Variants in MYOM1 observed in about 807,000 individuals in gnomAD.
MYOM1 encodes the protein myomesin 1.
MYOM1 carries 164 observed loss-of-function variants against 205.3 expected under a neutral mutation model. The observed-to-expected ratio is 0.80, with a 90% CI of 0.70 to 0.91. The LOEUF (loss-of-function observed/expected upper bound fraction) is 0.91. MYOM1 is among the 40% of genes least tolerant of loss of function. The pLI is 0.00. For missense variants in MYOM1, 2,011 were observed against 2,127.3 expected (o/e 0.95, Z 1.08); for synonymous variants, 772 against 789.4 (o/e 0.98, Z 0.37).
At chr18:3,192,561 T>C (rs536303322) in intron 3 of MYOM1, among the ~76,000 whole-genome samples, 23 of 152,284 alleles carry the variant, frequency 1.5e-4, no homozygotes, top group African/African-American at 5.3e-4. Flanking sequence ...TCCAAGAGGA[T>C]CTACTTTTCC....
At chr18:3,116,243 G>A in intron 21 of MYOM1, 88 bp downstream of exon 21, 1 of 1,367,140 alleles carries the variant, frequency 7.3e-7, no homozygotes, top group Non-Finnish European at 1.0e-6. Flanking sequence ...GATCAAAGCG[G>A]AGATATTCTG....
At chr18:3,078,232 C>T (rs890695919) in intron 34 of MYOM1, among the ~76,000 whole-genome samples, 2 of 151,616 alleles carry the variant, frequency 1.3e-5, no homozygotes, top group Non-Finnish European at 2.9e-5. Flanking sequence ...AGTAGAGACG[C>T]GGTTTCACCA....
chr18:3,136,696 T>G (rs1045819858), intron 14 of MYOM1, among the ~76,000 whole-genome samples: 2 of 152,208 alleles, frequency 1.3e-5, no homozygotes, highest in Non-Finnish European at 2.9e-5. Context: ...CCCACAGGCA[T>G]GAGCCACTGC....
chr18:3,210,040 C>T (rs2081172253), intron 2 of MYOM1, among the ~76,000 whole-genome samples: 1 of 152,214 alleles, frequency 6.6e-6, no homozygotes, highest in African/African-American at 2.4e-5. Flanking sequence ...CAACATCTTA[C>T]ATGATTATCT....
the MYOM1 span, among the ~76,000 whole-genome samples, chr18:3,244,874 G>A: frequency 1.3e-5 from 2 of 151,616 alleles, no homozygotes; most frequent in African/African-American, 4.9e-5. Context: ...ACTCCAGCCT[G>A]GGCGACAGAG....
chr18:3,068,565 G>C (rs1378760132), intron 37 of MYOM1, among the ~76,000 whole-genome samples: 4 of 151,730 alleles, frequency 2.6e-5, no homozygotes, highest in African/African-American at 4.8e-5. Context: ...CTAATCTCTG[G>C]CAACCACTCA....
chr18:3,239,706 A>C, the MYOM1 span, among the ~76,000 whole-genome samples: 1 of 142,420 alleles, frequency 7.0e-6, no homozygotes, highest in African/African-American at 2.7e-5. Context: ...GCAGTGAGCC[A>C]TGATGGTACC....
At chr18:3,153,349 C>T (rs1331711317) in intron 11 of MYOM1, among the ~76,000 whole-genome samples, 7 of 152,144 alleles carry the variant, frequency 4.6e-5, no homozygotes, top group African/African-American at 1.4e-4. Flanking sequence ...GCCTCATTTC[C>T]TACTTGAAAT....
chr18:3,193,903 G>T lies in MYOM1; in HGVS notation c.346C>A (p.Pro116Thr). 6.2e-7 allele frequency: 1 copy of T among 1,613,800 alleles called. No homozygotes were observed. Among genetic ancestry groups the T allele is most frequent in the East Asian group, 2.2e-5 (1 of 44,862 alleles). Residue 116 changes from proline to threonine, a missense_variant, in exon 3 of 38, where the codon CCA becomes ACA. Pro to Thr is a conservative substitution (Grantham distance 38). Coordinates refer to ENST00000356443, the MANE Select transcript of MYOM1 (RefSeq NM_003803.4). Reference protein sequence around the residue: ...DDYSSKLSPKPKRAKHSLLSG... With the variant: ...DDYSSKLSPKTKRAKHSLLSG... ...AGTAGGCTGTGCTTGGCTCTCTTTG[G>T]TTTGGGGCTCAACTTGGATGAATAA...
At chr18:3,227,677 G>T in the MYOM1 span, among the ~76,000 whole-genome samples, 1 of 152,054 alleles carries the variant, frequency 6.6e-6, no homozygotes, top group African/African-American at 2.4e-5. Context: ...AAATTAGCTG[G>T]GTATGGTGGC....
At chr18:3,180,611 C>A (rs181133838) in intron 5 of MYOM1, among the ~76,000 whole-genome samples, 19 of 152,284 alleles carry the variant, frequency 1.2e-4, no homozygotes, top group African/African-American at 3.4e-4. Context: ...GGAGGTTAAT[C>A]CACACCCTGG....
At chr18:3,102,678 C>A in intron 22 of MYOM1, 48 bp from the exon 23 acceptor site, 1 of 1,573,504 alleles carries the variant, frequency 6.4e-7, no homozygotes. Flanking sequence ...GGAAAGCAAC[C>A]AAGTAAGAAT....
chr18:3,238,456 T>C, the MYOM1 span, among the ~76,000 whole-genome samples: 3 of 150,686 alleles, frequency 2.0e-5, no homozygotes, highest in Non-Finnish European at 4.4e-5. Flanking sequence ...TTTCATGTTA[T>C]GTACATTTTA....
the MYOM1 span, among the ~76,000 whole-genome samples, chr18:3,237,688 C>T: frequency 6.6e-6 from 1 of 151,396 alleles, no homozygotes. Context: ...GTGAAATAAG[C>T]CAGTCACAAA....
intron 3 of MYOM1, among the ~76,000 whole-genome samples, chr18:3,191,588 C>T (rs761472965): frequency 7.2e-5 from 11 of 152,148 alleles, no homozygotes; most frequent in African/African-American, 2.2e-4. Context: ...GCCAAAACCA[C>T]TGTGAAATGT....
At chr18:3,086,877 T>A (rs1015244966) in intron 29 of MYOM1, among the ~76,000 whole-genome samples, 1 of 152,148 alleles carries the variant, frequency 6.6e-6, no homozygotes, top group African/African-American at 2.4e-5. Context: ...AAGACCCCAC[T>A]GAATAATGGG....
At chr18:3,139,131 T>C (rs1051408291) in intron 14 of MYOM1, among the ~76,000 whole-genome samples, 1 of 152,098 alleles carries the variant, frequency 6.6e-6, no homozygotes, top group African/African-American at 2.4e-5. Flanking sequence ...CACTTAAAAA[T>C]ATACAGGCAT....
chr18:3,072,772 C>A (rs536547945), intron 36 of MYOM1, among the ~76,000 whole-genome samples: 1 of 152,050 alleles, frequency 6.6e-6, no homozygotes, highest in African/African-American at 2.4e-5. Context: ...TATCAAGACC[C>A]GCTCTATCAT....
chr18:3,086,038 C>T lies in MYOM1; in HGVS notation c.4251G>A (p.Glu1417=). The T allele has an allele frequency of 6.3e-7, 1 of 1,575,164 alleles. No homozygotes were observed. Residue 1417 remains glutamate, a splice_region_variant and synonymous_variant, in exon 30 of 38, where the codon GAG becomes GAA. Transcript: ENST00000356443. ...KDGICTLLIT[E]FSKKDAGIYE... is the part of the protein sequence containing the mutation. ...ACATTTTACATTTATAATCGCCTAC[C>T]TCTGTTATAAGCAGGGTACATATAC...
Sources: allele counts gnomAD v4.1 joint callset (sites outside exome capture counted in the v4.1 genomes callset), GRCh38; gene constraint gnomAD v4.1.1; transcripts MANE v1.5; gene names NCBI Gene and HGNC (gene_info 2026-07-23, HGNC 2026-07-21).